Variants in JUP observed in about 807,000 individuals in gnomAD.
The protein encoded by JUP is catenin (cadherin-associated protein), gamma 80kDa.
JUP carries 28 observed loss-of-function variants against 71.1 expected under a neutral mutation model. That is an observed-to-expected ratio of 0.39 (90% CI 0.29 to 0.54). The LOEUF (loss-of-function observed/expected upper bound fraction) is 0.54, where lower values mean the gene tolerates loss of function less well. JUP is among the 20% of genes least tolerant of loss of function. The probability of loss-of-function intolerance (pLI) is 0.62; values close to 1 mark genes in which losing one functional copy is unlikely to be tolerated. For synonymous variants in JUP, 401 were observed against 438.9 expected (o/e 0.91, Z 1.08); for missense variants, 869 against 1,030.1 (o/e 0.84, Z 2.14).
intron 1 of JUP, among the ~76,000 whole-genome samples, chr17:41,784,301 G>T (rs1485577651): frequency 6.6e-6 from 1 of 151,878 alleles, no homozygotes; most frequent in Admixed American, 6.6e-5. Context: ...TGGAGCCAGG[G>T]TGCAAGGGAG....
chr17:41,763,297 T>A lies in JUP; in HGVS notation c.1183A>T (p.Ile395Phe). ...KQEGLESVLK[I>F]LVNQLSVDDV... ...TCCACACTCAGCTGATTCACCAGAA[T>A]CTTCAGCACACTCTCCAGGCCCTCC... is the stretch of plus-strand genomic sequence containing the variant. The change falls in exon 8 of 14, where the codon ATT (isoleucine) becomes TTT (phenylalanine). Residue 395 changes from isoleucine to phenylalanine, a missense_variant. Transcript: ENST00000393931. 1 of 1,614,116 alleles carries A rather than the reference T, an allele frequency of 6.2e-7. No individual in the cohort carries two copies. Among genetic ancestry groups the A allele is most frequent in the Non-Finnish European group, 8.5e-7 (1 of 1,180,002 alleles).
chr17:41,754,835 G>A lies in JUP; in HGVS notation c.*909C>T, dbSNP rs1357272631. 1 of 153,676 alleles carries A rather than the reference G, an allele frequency of 6.5e-6. No homozygotes were observed. Among genetic ancestry groups the A allele is most frequent in the African/African-American group, 2.4e-5 (1 of 41,488 alleles). The allele number at this position is 153,676 out of a possible 1,614,324, so 9.5% of individuals were successfully genotyped here. Reference sequence around the variant, plus strand: ...TCGGGGTCAGCTAGGGCAGCTGTGTGGGTGGGACAGGGGTGTGAGGAAGCT... The same window carrying A: ...TCGGGGTCAGCTAGGGCAGCTGTGTAGGTGGGACAGGGGTGTGAGGAAGCT... On this transcript the variant is annotated 3_prime_UTR_variant, in exon 14 of 14. Coordinates refer to ENST00000393931, the MANE Select transcript of JUP (RefSeq NM_002230.4).
chr17:41,776,351 G>A (rs782739061), intron 1 of JUP, among the ~76,000 whole-genome samples: 3 of 152,214 alleles, frequency 2.0e-5, no homozygotes, highest in Non-Finnish European at 2.9e-5. Flanking sequence ...TTTTGTCACT[G>A]TGACTCTGGA....
At chr17:41,781,428 A>G (rs1369285819) in intron 1 of JUP, among the ~76,000 whole-genome samples, 1 of 152,214 alleles carries the variant, frequency 6.6e-6, no homozygotes, top group Non-Finnish European at 1.5e-5. Flanking sequence ...CCAAAGGCCA[A>G]GATGCCAGGA....
intron 1 of JUP, among the ~76,000 whole-genome samples, chr17:41,777,493 G>C (rs926762677): frequency 1.3e-5 from 2 of 152,228 alleles, no homozygotes; most frequent in Non-Finnish European, 2.9e-5. Flanking sequence ...TGCCCAAGGA[G>C]GCCTCTCCCC....
chr17:41,758,888 A>C lies in JUP; in HGVS notation c.1498-18T>G. On this transcript the variant is annotated intron_variant, in intron 8 of 13. Transcript: ENST00000393931. ...ATGGTTGCCTGGCAAAAAAAGGGGC[A>C]GTGATCAGGGGCACTTCTTGGACAT... 1 of 1,603,188 alleles carries C rather than the reference A, an allele frequency of 6.2e-7. No individual in the cohort carries two copies. The highest frequency in any genetic ancestry group is 1.1e-5 in the South Asian group (1 of 90,096).
chr17:41,769,700 C>A (rs1555606020), intron 2 of JUP, 23 bp from the exon 3 acceptor site: 2 of 1,604,450 alleles, frequency 1.2e-6, no homozygotes, highest in Non-Finnish European at 1.7e-6. Flanking sequence ...GGGACAGGGA[C>A]TGAGTGCAGG....
chr17:41,778,585 A>G (rs983810310), intron 1 of JUP, among the ~76,000 whole-genome samples: 3 of 151,524 alleles, frequency 2.0e-5, no homozygotes, highest in Non-Finnish European at 4.4e-5. Flanking sequence ...TACTATATAC[A>G]GGGGATGAGC....
chr17:41,779,150 C>T (rs1469672521), intron 1 of JUP, among the ~76,000 whole-genome samples: 4 of 149,308 alleles, frequency 2.7e-5, no homozygotes, highest in Admixed American at 1.3e-4. Flanking sequence ...GCAGGAGAAT[C>T]GCTTGAAACC....
Position 41,755,832 on chromosome 17 carries a change from T to A in JUP, c.2150A>T (p.His717Leu), listed in dbSNP as rs1555597464. ...GGGGTAGTCTCCATCCATGTCCATG[T>A]GCATCTCCAGCGGGTCAAGGGGCAC... The part of the protein sequence containing the change: ...SDVPLDPLEM[H>L]MDMDGDYPID... The change falls in exon 14 of 14, where the codon CAC becomes CTC. Residue 717 changes from histidine to leucine, a missense_variant. Transcript: ENST00000393931. The A allele has an allele frequency of 1.2e-6, 2 of 1,613,450 alleles. No homozygotes were observed. The highest frequency in any genetic ancestry group is 2.2e-5 in the East Asian group (1 of 44,842).
chr17:41,769,080 A>T lies in JUP; in HGVS notation c.596T>A (p.Leu199Gln). The change falls in exon 4 of 14, where the codon CTG becomes CAG. Residue 199 changes from leucine to glutamine, a missense_variant. Transcript: ENST00000393931. ...GCTGGTGGTGCAGCGGGCTGTGTCC[A>T]GGTCGCTGGTATTCTGCATGGTACG... The part of the protein sequence containing the change: ...VVRTMQNTSD[L>Q]DTARCTTSIL... 2 of 1,613,334 alleles carry T rather than the reference A, an allele frequency of 1.2e-6. No individual in the cohort carries two copies. Among genetic ancestry groups the T allele is most frequent in the South Asian group, 1.1e-5 (1 of 91,064 alleles).
intron 1 of JUP, among the ~76,000 whole-genome samples, chr17:41,784,366 A>G (rs1415298236): frequency 6.6e-6 from 1 of 152,136 alleles, no homozygotes; most frequent in East Asian, 1.9e-4. Flanking sequence ...TTGATCTAGC[A>G]AGAAATGACT....
chr17:41,783,462 A>AT (rs1454137248), intron 1 of JUP, among the ~76,000 whole-genome samples: 1 of 150,518 alleles, frequency 6.6e-6, no homozygotes, highest in Non-Finnish European at 1.5e-5. Context: ...TAATTTTTCT[A>AT]TTTTTTTGTA....
Position 41,764,975 on chromosome 17 carries a change from C to T in JUP, c.1002G>A (p.Val334=). 3 of 1,614,158 alleles carry T rather than the reference C, an allele frequency of 1.9e-6. No individual in the cohort carries two copies. The highest frequency in any genetic ancestry group is 2.5e-6 in the Non-Finnish European group (3 of 1,180,022). The change falls in exon 6 of 14, where the codon GTG becomes GTA. Residue 334 remains valine, a synonymous_variant. Coordinates refer to ENST00000393931, the MANE Select transcript of JUP (RefSeq NM_002230.4). ...YEKLLWTTSR[V]LKVLSVCPSN... ...TGGGACACACGGATAGCACCTTGAG[C>T]ACACGACTGGTGGTCCAGAGCAGCT...
At chr17:41,781,773 A>G (rs2047178754) in intron 1 of JUP, among the ~76,000 whole-genome samples, 1 of 152,188 alleles carries the variant, frequency 6.6e-6, no homozygotes, top group African/African-American at 2.4e-5. Flanking sequence ...AGAAGAGTCA[A>G]TGCTGAGTCT....
At position 41,757,690 on chromosome 17, in the gene JUP, G is replaced by C. The variant is rs782760341; in HGVS notation, c.1868C>G (p.Ala623Gly). Residue 623 changes from alanine to glycine, a missense_variant, in exon 11 of 14, where the codon GCA (alanine) becomes GGA (glycine). By Grantham distance (60) the Ala-to-Gly change is moderately conservative. Transcript: ENST00000393931. ...CATGAGTGGGGCCGAGGCCCCCTCT[G>C]CATCAATGGCGTCGGCCGCCTCCTT... is the stretch of plus-strand genomic sequence containing the variant. ...QDKEAADAID[A>G]EGASAPLMEL... 1.9e-5 allele frequency: 30 copies of C among 1,613,358 alleles called. No homozygotes were observed. Among genetic ancestry groups the C allele is most frequent in the Non-Finnish European group, 2.4e-5 (28 of 1,179,624 alleles).
rs797037421 is a variant in JUP at position 41,766,871 on chromosome 17, A to C, written c.909+508T>G. On this transcript the variant is annotated intron_variant, in intron 5 of 13. Transcript: ENST00000393931. ...CTCCATCTCAAACAAAAAAAAAAAA[A>C]GAAAGAAAAGAAAAGGAAAAAAAAA... is the stretch of plus-strand genomic sequence containing the variant. Among the ~76,000 whole-genome samples, 4 of 149,592 alleles carry C rather than the reference A, an allele frequency of 2.7e-5. No individual in the cohort carries two copies. In the East Asian group the frequency reaches 7.8e-4, roughly 29 times the overall value.
chr17:41,769,377 C>T (rs782322878), intron 3 of JUP, 41 bp downstream of exon 3: 12 of 1,590,116 alleles, frequency 7.5e-6, no homozygotes, highest in Admixed American at 5.3e-5. Context: ...GCTCTCTCCC[C>T]TCCCTGCCCA....
chr17:41,761,319 TG>T (rs1914773045), intron 8 of JUP, among the ~76,000 whole-genome samples: 2 of 152,166 alleles, frequency 1.3e-5, no homozygotes, highest in South Asian at 4.1e-4. Context: ...TTGATGTGGC[TG>T]AATGACCAAG....
Sources: allele counts gnomAD v4.1 joint callset (sites outside exome capture counted in the v4.1 genomes callset), GRCh38; gene constraint gnomAD v4.1.1; transcripts MANE v1.5; gene names NCBI Gene and HGNC (gene_info 2026-07-23, HGNC 2026-07-21).